The following TMEM135 variants were observed in gnomAD, a reference collection of about 807,000 sequenced individuals.
TMEM135 encodes transmembrane protein 135, also known as peroxisomal membrane protein 52.
In TMEM135, 30 loss-of-function variants were observed where a neutral mutation model predicts 60.3. The ratio of observed to expected loss-of-function variants is 0.50; its 90% CI spans 0.37 to 0.68. The LOEUF is 0.68. TMEM135 is among the 30% of genes least tolerant of loss of function. The probability of loss-of-function intolerance (pLI) is 0.00; values close to 1 mark genes in which losing one functional copy is unlikely to be tolerated. For missense variants in TMEM135, 468 were observed against 548.8 expected, an observed-to-expected ratio of 0.85 and a Z score of 1.47; for synonymous variants, 190 against 186.7, an observed-to-expected ratio of 1.02 and a Z score of -0.14.
intron 5 of TMEM135, among the ~76,000 whole-genome samples, chr11:87,163,014 CTTCT>C (rs1938930739): frequency 7.8e-6 from 1 of 128,100 alleles, no homozygotes; most frequent in Non-Finnish European, 1.6e-5. Flanking sequence ...TTATAAATGT[CTTCT>C]TTTTTTTTTT....
chr11:87,186,324 A>G (rs574417), intron 5 of TMEM135, among the ~76,000 whole-genome samples: 19,657 of 152,216 alleles, frequency 0.13, 1,336 homozygotes, highest in Non-Finnish European at 0.15. Flanking sequence ...AAGAAGTTCT[A>G]GGTTCATCTT....
intron 5 of TMEM135, among the ~76,000 whole-genome samples, chr11:87,183,854 G>A (rs555477371): frequency 2.6e-5 from 4 of 151,206 alleles, no homozygotes; most frequent in African/African-American, 9.7e-5. Context: ...TAGTTGGGAG[G>A]CTGAGGCAGA....
chr11:87,071,665 C>G, intron 3 of TMEM135, 50 bp downstream of exon 3: 2 of 1,414,846 alleles, frequency 1.4e-6, no homozygotes, highest in Non-Finnish European at 1.9e-6. Flanking sequence ...GTCCCCTACC[C>G]CAACTATAAT....
At chr11:87,278,872 G>C (rs1942011971) in intron 6 of TMEM135, among the ~76,000 whole-genome samples, 1 of 152,026 alleles carries the variant, frequency 6.6e-6, no homozygotes. Context: ...ATCCCTGATA[G>C]CAGGAACAGA....
intron 6 of TMEM135, among the ~76,000 whole-genome samples, chr11:87,241,450 T>C (rs547642525): frequency 4.1e-4 from 62 of 152,234 alleles, no homozygotes; most frequent in Admixed American, 9.2e-4. Flanking sequence ...TACCTAACTG[T>C]CACATCAGGA....
rs1017337824 is a variant in TMEM135 at position 87,323,900 on chromosome 11, T to G, written c.*2567T>G. On this transcript the variant is annotated 3_prime_UTR_variant, in exon 15 of 15. Transcript: ENST00000305494. Reference sequence around the variant, plus strand: ...TCTGCTTTTGCTTCTGTAACTTTTTTCTTGAACTATAAGCATAGTCATCAC... The same window carrying G: ...TCTGCTTTTGCTTCTGTAACTTTTTGCTTGAACTATAAGCATAGTCATCAC... The G allele has an allele frequency of 2.2e-6, 1 of 452,466 alleles. No homozygotes were observed. The allele number at this position is 452,466 out of a possible 1,614,324, so 28.0% of individuals were successfully genotyped here.
intron 4 of TMEM135, among the ~76,000 whole-genome samples, chr11:87,144,152 C>G (rs913270282): frequency 6.6e-6 from 1 of 151,652 alleles, no homozygotes; most frequent in African/African-American, 2.4e-5. Context: ...AAAAAAACTA[C>G]AGAAATTATT....
Position 87,238,150 on chromosome 11 carries a change from T to C in TMEM135, c.509+1466T>C, listed in dbSNP as rs186624986. On this transcript the variant is annotated intron_variant, in intron 6 of 14. Coordinates refer to ENST00000305494, the MANE Select transcript of TMEM135 (RefSeq NM_022918.4). ...TGGGAGTACAGATATCTCTTCGATA[T>C]ATTGATTTGCTTTATTTTGAGTATA... is the stretch of plus-strand genomic sequence containing the variant. 7.2e-5 allele frequency among the ~76,000 whole-genome samples: 11 copies of C among 152,102 alleles called. No homozygotes were observed. In the East Asian group the frequency reaches 2.1e-3, roughly 29 times the overall value.
intron 6 of TMEM135, among the ~76,000 whole-genome samples, chr11:87,248,006 C>G (rs1332935724): frequency 4.7e-5 from 6 of 126,842 alleles, no homozygotes; most frequent in Non-Finnish European, 1.0e-4. Flanking sequence ...TGGCTGCCAG[C>G]TTGATAGCCT....
chr11:87,072,265 T>C (rs1362150055), intron 3 of TMEM135, among the ~76,000 whole-genome samples: 1 of 152,184 alleles, frequency 6.6e-6, no homozygotes, highest in Non-Finnish European at 1.5e-5. Context: ...CATTTCACAC[T>C]TAAGAAAATT....
intron 6 of TMEM135, among the ~76,000 whole-genome samples, chr11:87,266,728 A>G (rs557835195): frequency 6.6e-6 from 1 of 152,344 alleles, no homozygotes; most frequent in East Asian, 1.9e-4. Context: ...GGTTCTCACT[A>G]AAGCAGGAGG....
At chr11:87,252,259 T>C (rs1941432705) in intron 6 of TMEM135, among the ~76,000 whole-genome samples, 1 of 151,662 alleles carries the variant, frequency 6.6e-6, no homozygotes, top group East Asian at 1.9e-4. Flanking sequence ...GAGAATAGAG[T>C]CTAAACTCTG....
chr11:87,302,814 G>A (rs1022673783), intron 8 of TMEM135, among the ~76,000 whole-genome samples: 9 of 152,104 alleles, frequency 5.9e-5, no homozygotes, highest in African/African-American at 2.2e-4. Context: ...AGAAGATTAA[G>A]GAATAATAAG....
intron 4 of TMEM135, among the ~76,000 whole-genome samples, chr11:87,108,807 T>G (rs1324221392): frequency 6.6e-6 from 1 of 152,182 alleles, no homozygotes; most frequent in East Asian, 1.9e-4. Flanking sequence ...CAAATATTCT[T>G]AGAGCCTTTG....
At position 87,069,339 on chromosome 11, in the gene TMEM135, A is replaced by T. The variant is rs185030288; in HGVS notation, c.269+1518A>T. On this transcript the variant is annotated intron_variant, in intron 2 of 14. Transcript: ENST00000305494. ...AGAAAGTTTCTATGATTAGGTTTTT[A>T]AAAAAATTGCAGTTAAGTATACCTT... 2.5e-3 allele frequency among the ~76,000 whole-genome samples: 384 copies of T among 151,088 alleles called. 1 individual carries two copies. Among genetic ancestry groups the T allele is most frequent in the African/African-American group, 8.5e-3 (350 of 41,274 alleles).
chr11:87,117,740 A>G (rs189884670), intron 4 of TMEM135, among the ~76,000 whole-genome samples: 88 of 152,248 alleles, frequency 5.8e-4, no homozygotes, highest in Non-Finnish European at 8.5e-4. Flanking sequence ...GGTGAGAATC[A>G]GTGGCTTCCA....
intron 1 of TMEM135, among the ~76,000 whole-genome samples, chr11:87,059,974 T>A (rs1326806206): frequency 1.3e-5 from 2 of 152,086 alleles, no homozygotes; most frequent in Non-Finnish European, 2.9e-5. Flanking sequence ...ATTAGCTGGG[T>A]GCAGTGGCAC....
intron 4 of TMEM135, among the ~76,000 whole-genome samples, chr11:87,105,290 T>C (rs186455124): frequency 6.6e-6 from 1 of 152,332 alleles, no homozygotes; most frequent in Non-Finnish European, 1.5e-5. Flanking sequence ...GCATTATTGC[T>C]TGAGCTCTGC....
chr11:87,265,691 A>AGTGTTT (rs1941734036), intron 6 of TMEM135, among the ~76,000 whole-genome samples: 1 of 152,086 alleles, frequency 6.6e-6, no homozygotes, highest in East Asian at 1.9e-4. Flanking sequence ...TTAACTTTAA[A>AGTGTTT]ATAGTGTTTA....
Sources: gnomAD v4.1 joint callset for allele counts (sites outside exome capture counted in the v4.1 genomes callset) on GRCh38, gnomAD v4.1.1 for gene constraint, MANE v1.5 for transcripts, NCBI Gene and HGNC (gene_info 2026-07-23, HGNC 2026-07-21) for gene names.